QDPR: variants seen among roughly 807,000 people sequenced by gnomAD.
QDPR encodes the protein dihydropteridine reductase.
In QDPR, 23 loss-of-function variants were observed where a neutral mutation model predicts 31.7. The ratio of observed to expected loss-of-function variants is 0.73; its 90% CI spans 0.52 to 1.03. QDPR has a LOEUF of 1.03. Among genes scored for constraint, QDPR ranks in the 50% least tolerant of loss-of-function variants. QDPR has a pLI of 0.00. For synonymous variants in QDPR, 124 were observed against 124.7 expected, an observed-to-expected ratio of 0.99 and a Z score of 0.03; for missense variants, 324 against 323.8, an observed-to-expected ratio of 1.00 and a Z score of 0.00.
intron 3 of QDPR, among the ~76,000 whole-genome samples, chr4:17,502,655 T>C (rs891913024): frequency 1.3e-5 from 2 of 152,252 alleles, no homozygotes; most frequent in Non-Finnish European, 2.9e-5. Flanking sequence ...CACTCTCACA[T>C]TGACATGTGG....
At chr4:17,492,597 C>A (rs769622123) in intron 4 of QDPR, 4 of 537,988 alleles carry the variant, frequency 7.4e-6, no homozygotes, top group African/African-American at 1.9e-5. Context: ...TTCACACAGG[C>A]CACCGGTGCA....
At chr4:17,510,094 ATTC>A (rs1718952517) in intron 1 of QDPR, 3 of 411,772 alleles carry the variant, frequency 7.3e-6, no homozygotes, top group Non-Finnish European at 1.5e-5. Context: ...ACAAAATATA[ATTC>A]TTCATTTGAT....
chr4:17,504,332 G>C, intron 3 of QDPR, 47 bp downstream of exon 3: 1 of 1,546,794 alleles, frequency 6.5e-7, no homozygotes, highest in Non-Finnish European at 8.9e-7. Flanking sequence ...TTGTCAGCTG[G>C]AAAAAGAGCA....
At chr4:17,504,729 G>A (rs1289999651) in intron 2 of QDPR, among the ~76,000 whole-genome samples, 2 of 151,958 alleles carry the variant, frequency 1.3e-5, no homozygotes, top group African/African-American at 4.8e-5. Flanking sequence ...GTAGAGACAT[G>A]AGCATCCCTT....
chr4:17,501,417 TATTA>T (rs1354425492), intron 4 of QDPR, among the ~76,000 whole-genome samples: 2 of 152,206 alleles, frequency 1.3e-5, no homozygotes, highest in Admixed American at 6.5e-5. Context: ...AATCCATGTT[TATTA>T]ATTAATTAAT....
At chr4:17,501,900 G>C (rs1263748496) in intron 3 of QDPR, 41 bp from the exon 4 acceptor site, 2 of 1,612,910 alleles carry the variant, frequency 1.2e-6, no homozygotes, top group Admixed American at 1.7e-5. Flanking sequence ...TCCCAGGAAA[G>C]AAACCAAAAG....
chr4:17,498,569 G>T (rs1349595387), intron 4 of QDPR, among the ~76,000 whole-genome samples: 1 of 152,094 alleles, frequency 6.6e-6, no homozygotes, highest in East Asian at 1.9e-4. Context: ...TTTCCTTGGG[G>T]ACACAAAAGG....
chr4:17,497,096 A>G (rs1718387649), intron 4 of QDPR, among the ~76,000 whole-genome samples: 1 of 152,084 alleles, frequency 6.6e-6, no homozygotes, highest in Admixed American at 6.6e-5. Flanking sequence ...ATGGGCACAC[A>G]CTAGAATGGG....
chr4:17,511,894 A>G, intron 1 of QDPR, 56 bp downstream of exon 1: 1 of 1,561,528 alleles, frequency 6.4e-7, no homozygotes, highest in Non-Finnish European at 8.7e-7. Context: ...CGGGTTCCAC[A>G]CGAAAGCCCC....
rs138092282 is a variant in QDPR, at chr4:17,487,084, G to A, written c.*47C>T. 9.4e-5 allele frequency: 137 copies of A among 1,458,442 alleles called. No individual in the cohort carries two copies. The Middle Eastern group carries it at 2.4e-3, about 26-fold the overall frequency. The allele number at this position is 1,458,442 out of a possible 1,614,324, so 90.3% of individuals were successfully genotyped here. On this transcript the variant is annotated 3_prime_UTR_variant, in exon 7 of 7. Transcript: ENST00000281243. ...GGCTGGACAAGGCCACACTGAGACA[G>A]GTTAGTGACTTTTCTGGCAGGCCCC...
In QDPR at chr4:17,509,215, T is replaced by C. The variant is rs1168412248; in HGVS notation, c.198+56A>G. The C allele has an allele frequency of 2.3e-6, 3 of 1,297,942 alleles. No homozygotes were observed. In the East Asian group the frequency reaches 6.9e-5, roughly 30 times the overall value. 80.4% of individuals were successfully genotyped at this position (1,297,942 alleles called of 1,614,324 possible). Reference sequence around the variant, plus strand: ...AGCCAAAGGAAGAACATACAGCCAGTGGTCACCTCTCCCCAGGGTTCCCCT... The same window carrying C: ...AGCCAAAGGAAGAACATACAGCCAGCGGTCACCTCTCCCCAGGGTTCCCCT... On this transcript the variant is annotated intron_variant, in intron 2 of 6. Coordinates refer to ENST00000281243, the MANE Select transcript of QDPR (RefSeq NM_000320.3).
chr4:17,504,176 C>T (rs1024666666), intron 3 of QDPR, among the ~76,000 whole-genome samples: 4 of 152,126 alleles, frequency 2.6e-5, no homozygotes, highest in African/African-American at 7.2e-5. Flanking sequence ...CAATGCCCCC[C>T]GTCCCCTCAC....
chr4:17,491,418 G>A (rs1489273428), intron 5 of QDPR, among the ~76,000 whole-genome samples: 1 of 152,180 alleles, frequency 6.6e-6, no homozygotes, highest in Non-Finnish European at 1.5e-5. Context: ...GCCTGCTGGT[G>A]CTGGAAGCCT....
chr4:17,499,672 T>C, intron 4 of QDPR, among the ~76,000 whole-genome samples: 1 of 152,212 alleles, frequency 6.6e-6, no homozygotes, highest in East Asian at 1.9e-4. Flanking sequence ...GTAGTCTCAG[T>C]GCTCCGGGAG....
intron 2 of QDPR, among the ~76,000 whole-genome samples, chr4:17,504,712 C>T (rs1718690711): frequency 6.6e-6 from 1 of 151,902 alleles, no homozygotes; most frequent in East Asian, 1.9e-4. Flanking sequence ...TGTATACATT[C>T]TGAAAGGTAG....
At chr4:17,509,779 C>G (rs952625953) in intron 1 of QDPR, among the ~76,000 whole-genome samples, 3 of 152,084 alleles carry the variant, frequency 2.0e-5, no homozygotes, top group African/African-American at 7.2e-5. Context: ...TAAGAGGCTT[C>G]AATGAAAACA....
intron 6 of QDPR, chr4:17,490,026 C>G (rs1718101952): frequency 6.2e-6 from 1 of 161,170 alleles, no homozygotes; most frequent in Non-Finnish European, 1.4e-5. Flanking sequence ...TGCTTACTAA[C>G]TAGAGGGGCT....
At chr4:17,492,379 G>A (rs371704884) in intron 4 of QDPR, 39 bp from the exon 5 acceptor site, 41 of 1,504,640 alleles carry the variant, frequency 2.7e-5, no homozygotes, top group East Asian at 2.0e-4. Context: ...GACCACTGGC[G>A]GCCAGGGGGA....
intron 1 of QDPR, among the ~76,000 whole-genome samples, chr4:17,509,662 G>A (rs1178149712): frequency 6.6e-6 from 1 of 152,176 alleles, no homozygotes; most frequent in Non-Finnish European, 1.5e-5. Context: ...AGTGAGCTAT[G>A]ATCGCACCAC....
Sources: allele counts gnomAD v4.1 joint callset (sites outside exome capture counted in the v4.1 genomes callset), GRCh38; gene constraint gnomAD v4.1.1; transcripts MANE v1.5; gene names NCBI Gene and HGNC (gene_info 2026-07-23, HGNC 2026-07-21).